FBXL13: variants seen among roughly 807,000 people sequenced by gnomAD.
FBXL13 encodes F-box and leucine rich repeat protein 13, also known as F-box and leucine-rich repeat protein 13.
Under a neutral mutation model 83.6 loss-of-function variants are expected in FBXL13, and 67 were observed. The ratio of observed to expected loss-of-function variants is 0.80; its 90% CI spans 0.66 to 0.98. The LOEUF (loss-of-function observed/expected upper bound fraction) is 0.98. Ranked by LOEUF, FBXL13 falls within the 50% of genes least tolerant of loss-of-function variation. FBXL13 has a pLI of 0.00. For synonymous variants in FBXL13, 272 were observed against 299.5 expected (o/e 0.91, Z 0.95); for missense variants, 822 against 866.5 (o/e 0.95, Z 0.64).
chr7:102,920,216 A>C (rs1319431263), intron 10 of FBXL13, among the ~76,000 whole-genome samples: 3 of 152,254 alleles, frequency 2.0e-5, no homozygotes, highest in African/African-American at 4.8e-5. Context: ...GCCACTAATT[A>C]GAATACACAA....
intron 8 of FBXL13, 81 bp from the exon 10 acceptor site, chr7:102,932,014 A>G (rs1025503374): frequency 2.3e-5 from 30 of 1,283,968 alleles, no homozygotes; most frequent in Non-Finnish European, 3.1e-5. Context: ...ATTGAATGCA[A>G]TGTATTCATT....
At chr7:102,999,387 G>C (rs1189986925) in intron 6 of FBXL13, among the ~76,000 whole-genome samples, 3 of 152,012 alleles carry the variant, frequency 2.0e-5, no homozygotes, top group African/African-American at 7.3e-5. Flanking sequence ...TTTTCATGTT[G>C]TCCCCTTGTC....
intron 1 of FBXL13, among the ~76,000 whole-genome samples, chr7:103,064,397 G>C (rs1040974331): frequency 6.6e-6 from 1 of 152,230 alleles, no homozygotes; most frequent in Non-Finnish European, 1.5e-5. Context: ...GAAATATTAG[G>C]AAGAGGGAAG....
At chr7:102,980,396 TATCCA>T (rs1229324958) in intron 6 of FBXL13, among the ~76,000 whole-genome samples, 1 of 152,162 alleles carries the variant, frequency 6.6e-6, no homozygotes, top group Non-Finnish European at 1.5e-5. Context: ...GACAACTGGG[TATCCA>T]AATGTAAAAG....
At chr7:102,900,836 A>C (rs1812875874) in intron 11 of FBXL13, among the ~76,000 whole-genome samples, 1 of 152,246 alleles carries the variant, frequency 6.6e-6, no homozygotes, top group African/African-American at 2.4e-5. Flanking sequence ...GATGGAAATG[A>C]AAAAGGGATG....
chr7:102,840,505 T>C (rs1285017501), intron 17 of FBXL13, among the ~76,000 whole-genome samples: 1 of 152,226 alleles, frequency 6.6e-6, no homozygotes, highest in Non-Finnish European at 1.5e-5. Flanking sequence ...TGGGTGTCTA[T>C]TTGCACAGCC....
At chr7:103,074,664 G>T, upstream of FBXL13, 4 of 1,281,894 alleles carry the variant, frequency 3.1e-6, no homozygotes, top group Non-Finnish European at 4.1e-6. Flanking sequence ...CCCCACCGAC[G>T]GTCTGTGTCC....
chr7:102,962,756 C>T (rs926633851), intron 8 of FBXL13, among the ~76,000 whole-genome samples: 2 of 150,512 alleles, frequency 1.3e-5, no homozygotes, highest in Non-Finnish European at 3.0e-5. Flanking sequence ...ACCACATATT[C>T]TCACTCATAG....
At chr7:102,834,339 C>A (rs1186301973) in intron 17 of FBXL13, among the ~76,000 whole-genome samples, 1 of 147,090 alleles carries the variant, frequency 6.8e-6, no homozygotes, top group Non-Finnish European at 1.5e-5. Context: ...ATTTTAGTAA[C>A]CCTAATGGGT....
At chr7:102,901,659 AT>A (rs1442856720) in intron 11 of FBXL13, among the ~76,000 whole-genome samples, 9 of 152,196 alleles carry the variant, frequency 5.9e-5, no homozygotes, top group Non-Finnish European at 1.2e-4. Context: ...AGAATATGCA[AT>A]TTTTTTAAAT....
intron 8 of FBXL13, among the ~76,000 whole-genome samples, chr7:102,962,406 A>T (rs1335969713): frequency 6.6e-6 from 1 of 152,218 alleles, no homozygotes; most frequent in African/African-American, 2.4e-5. Flanking sequence ...TAGTTCAACC[A>T]TTGTGGAAGT....
chr7:102,851,904 C>T (rs980558686), intron 17 of FBXL13, among the ~76,000 whole-genome samples: 11 of 152,062 alleles, frequency 7.2e-5, no homozygotes, highest in Admixed American at 6.6e-5. Flanking sequence ...CAATTGAGCA[C>T]GTAATCATTT....
chr7:102,924,725 T>A (rs980847012), intron 10 of FBXL13, among the ~76,000 whole-genome samples: 11 of 147,042 alleles, frequency 7.5e-5, no homozygotes, highest in Admixed American at 7.1e-5. Flanking sequence ...CACTGCAAGC[T>A]CCGCCTCCTG....
intron 11 of FBXL13, among the ~76,000 whole-genome samples, chr7:102,897,007 G>C (rs1489761161): frequency 1.3e-5 from 2 of 151,694 alleles, no homozygotes; most frequent in Admixed American, 6.6e-5. Flanking sequence ...CAAGGAGCAG[G>C]AATTTTTTTT....
chr7:102,896,251 T>C (rs1166080658), intron 11 of FBXL13, among the ~76,000 whole-genome samples: 1 of 152,172 alleles, frequency 6.6e-6, no homozygotes, highest in African/African-American at 2.4e-5. Context: ...GGACATTGAC[T>C]TGGGTTTTTA....
At chr7:102,853,583 A>C (rs1805585359) in intron 17 of FBXL13, among the ~76,000 whole-genome samples, 1 of 152,218 alleles carries the variant, frequency 6.6e-6, no homozygotes, top group African/African-American at 2.4e-5. Flanking sequence ...GTGAAGAGGC[A>C]ACCCACAAAA....
chr7:102,813,882 C>T (rs1320383385), intron 19 of FBXL13, among the ~76,000 whole-genome samples: 1 of 152,120 alleles, frequency 6.6e-6, no homozygotes, highest in African/African-American at 2.4e-5. Context: ...GTAACCTAAC[C>T]AGCCTACCTG....
chr7:102,867,250 T>TGGGAGGCTGAGGC (rs900524942), intron 16 of FBXL13, among the ~76,000 whole-genome samples: 1 of 151,924 alleles, frequency 6.6e-6, no homozygotes, highest in African/African-American at 2.4e-5. Flanking sequence ...CCCAGCTACT[T>TGGGAGGCTGAGGC]GGGAGGCTGA....
At chr7:102,940,627 G>A (rs1174205003) in intron 8 of FBXL13, among the ~76,000 whole-genome samples, 2 of 152,158 alleles carry the variant, frequency 1.3e-5, no homozygotes, top group Admixed American at 1.3e-4. Flanking sequence ...CTCAAATTAG[G>A]ATAAAATGTG....
Sources: allele counts gnomAD v4.1 joint callset (sites outside exome capture counted in the v4.1 genomes callset), GRCh38; gene constraint gnomAD v4.1.1; transcripts MANE v1.5; gene names NCBI Gene and HGNC (gene_info 2026-07-23, HGNC 2026-07-21).